The following ADD2 variants were observed in gnomAD, a reference collection of about 807,000 sequenced individuals.
ADD2 encodes the protein beta-adducin.
A neutral mutation model predicts 83.0 loss-of-function variants in ADD2; 23 were observed. The observed-to-expected ratio is 0.28, with a 90% CI of 0.20 to 0.39. The LOEUF is 0.39. Ranked by LOEUF, ADD2 falls within the 10% of genes least tolerant of loss-of-function variation. The probability of loss-of-function intolerance (pLI) is 1.00; values close to 1 mark genes in which losing one functional copy is unlikely to be tolerated. For missense variants in ADD2, 758 were observed against 944.9 expected, an observed-to-expected ratio of 0.80 and a Z score of 2.59; for synonymous variants, 375 against 375.4, an observed-to-expected ratio of 1.00 and a Z score of 0.01.
At chr2:70,747,150 A>G (rs1674250870) in intron 1 of ADD2, among the ~76,000 whole-genome samples, 1 of 151,788 alleles carries the variant, frequency 6.6e-6, no homozygotes, top group South Asian at 2.1e-4. Context: ...AGCTGGGACT[A>G]CAGGCACCCG....
intron 5 of ADD2, 128 bp from the exon 6 acceptor site, chr2:70,695,929 TC>T (rs1297123689): frequency 8.6e-5 from 66 of 770,832 alleles, no homozygotes; most frequent in Non-Finnish European, 1.2e-4. Flanking sequence ...CCCTTATCTC[TC>T]CCCCCCAGCC....
intron 1 of ADD2, among the ~76,000 whole-genome samples, chr2:70,720,646 G>A (rs538640809): frequency 5.9e-5 from 9 of 152,208 alleles, no homozygotes; most frequent in Admixed American, 2.0e-4. Context: ...ATTGGATTAC[G>A]GGGATATTAA....
chr2:70,697,819 G>A (rs1671386909), intron 4 of ADD2, among the ~76,000 whole-genome samples: 1 of 152,234 alleles, frequency 6.6e-6, no homozygotes, highest in African/African-American at 2.4e-5. Flanking sequence ...CAGACTGGGT[G>A]CTGGGCCAAC....
In ADD2 at chr2:70,696,245, C is replaced by T. The variant is rs1553372652; in HGVS notation, c.474G>A (p.Thr158=). 5.0e-6 allele frequency: 8 copies of T among 1,611,304 alleles called. No homozygotes were observed. Among genetic ancestry groups the T allele is most frequent in the Admixed American group, 3.4e-5 (2 of 59,694 alleles). ...CCCAATTCCAGGGCGTTCTGCTCAC[C>T]GTGACATAGGTGTCACTCAGCTGGG... ...GWAQLSDTYV[T]LRVSKEQDHF... Residue 158 remains threonine, a splice_region_variant and synonymous_variant, in exon 5 of 16, where the codon ACG becomes ACA. Coordinates refer to ENST00000264436, the MANE Select transcript of ADD2 (RefSeq NM_001617.4).
At chr2:70,723,565 T>C (rs1453246670) in intron 1 of ADD2, among the ~76,000 whole-genome samples, 1 of 152,168 alleles carries the variant, frequency 6.6e-6, no homozygotes, top group Non-Finnish European at 1.5e-5. Context: ...CATAGGTAGA[T>C]TTTTAGCTGA....
At chr2:70,740,762 C>A (rs1553380944) in intron 1 of ADD2, among the ~76,000 whole-genome samples, 1 of 152,092 alleles carries the variant, frequency 6.6e-6, no homozygotes, top group East Asian at 1.9e-4. Flanking sequence ...TACACTGGCA[C>A]AATCACAGCT....
intron 1 of ADD2, among the ~76,000 whole-genome samples, chr2:70,765,085 G>A (rs1274717023): frequency 6.6e-6 from 1 of 152,022 alleles, no homozygotes; most frequent in Non-Finnish European, 1.5e-5. Flanking sequence ...GGGCAAAGTG[G>A]CTCACACTTG....
chr2:70,683,816 T>G, intron 9 of ADD2, 49 bp from the exon 10 acceptor site: 1 of 1,564,816 alleles, frequency 6.4e-7, no homozygotes, highest in Non-Finnish European at 8.7e-7. Flanking sequence ...ATGGGTACCC[T>G]GCACTTATCT....
chr2:70,677,396 A>C (rs147416809), intron 12 of ADD2, among the ~76,000 whole-genome samples: 605 of 152,378 alleles, frequency 4.0e-3, no homozygotes, highest in Middle Eastern at 0.02. Context: ...TAACATTAAA[A>C]ATACACGCAA....
In ADD2 at chr2:70,704,472, C is replaced by T; in HGVS notation, c.184-13G>A. The stretch of plus-strand genomic sequence containing the variant: ...CCTCCCTGAAAGACTGAAGCAGGCC[C>T]CGAGGTGCTTGTCCCCCCACAGCCT... On this transcript the variant is annotated splice_polypyrimidine_tract_variant and intron_variant, in intron 3 of 15. Transcript: ENST00000264436. 1 of 1,613,752 alleles carries T rather than the reference C, an allele frequency of 6.2e-7. No homozygotes were observed. The highest frequency in any genetic ancestry group is 8.5e-7 in the Non-Finnish European group (1 of 1,179,870).
At chr2:70,703,518 T>C (rs1389822624) in intron 4 of ADD2, among the ~76,000 whole-genome samples, 4 of 152,226 alleles carry the variant, frequency 2.6e-5, no homozygotes, top group Non-Finnish European at 4.4e-5. Context: ...TGCATGCATG[T>C]ACTTCAATTC....
chr2:70,759,132 C>T (rs577932697), intron 1 of ADD2, among the ~76,000 whole-genome samples: 5 of 152,176 alleles, frequency 3.3e-5, no homozygotes, highest in African/African-American at 1.2e-4. Flanking sequence ...AGCCACTTCA[C>T]AGCTGGAAAA....
chr2:70,673,311 C>G, intron 14 of ADD2: 3 of 1,614,076 alleles, frequency 1.9e-6, no homozygotes, highest in Non-Finnish European at 2.5e-6. Flanking sequence ...GCCTGGCTCT[C>G]GTTCCTGTCC....
chr2:70,761,701 T>C (rs1224376144), intron 1 of ADD2, among the ~76,000 whole-genome samples: 1 of 148,828 alleles, frequency 6.7e-6, no homozygotes, highest in East Asian at 2.0e-4. Flanking sequence ...AGACAGAGTA[T>C]CGTTCTGTTG....
Position 70,676,901 on chromosome 2 carries a change from A to G in ADD2, c.1504-16T>C. On this transcript the variant is annotated splice_polypyrimidine_tract_variant and intron_variant, in intron 12 of 15. Coordinates refer to ENST00000264436, the MANE Select transcript of ADD2 (RefSeq NM_001617.4). The surrounding 1 kb of genome is among the most constrained non-coding windows in gnomAD (Gnocchi z 4.8). ...GTTCTCGAATCTGTGTGGAAAGGGG[A>G]GAGGAAGAGTGAGCTGGCTGTTCAG... 6.2e-7 allele frequency: 1 copy of G among 1,608,714 alleles called. No homozygotes were observed. Among genetic ancestry groups the G allele is most frequent in the Non-Finnish European group, 8.5e-7 (1 of 1,175,936 alleles).
At chr2:70,751,104 C>T (rs1674483486) in intron 1 of ADD2, among the ~76,000 whole-genome samples, 1 of 152,162 alleles carries the variant, frequency 6.6e-6, no homozygotes, top group Non-Finnish European at 1.5e-5. Context: ...AATTAATCTG[C>T]CTCACCTTGG....
rs782723251 is a variant in ADD2 at position 70,683,690 on chromosome 2, C to T, written c.1026G>A (p.Val342=). ...LEQEKHRPHE[V]GSVQWAGSTF... is the part of the protein sequence containing the mutation. ...TGCTCCCGGCCCACTGCACGGAGCCCACCTCATGGGGCCGGTGCTTCTCCT... is the reference window on the plus strand; with the variant it reads ...TGCTCCCGGCCCACTGCACGGAGCCTACCTCATGGGGCCGGTGCTTCTCCT... Residue 342 remains valine (V), a synonymous_variant, in exon 10 of 16, where the codon GTG becomes GTA. Coordinates refer to ENST00000264436, the MANE Select transcript of ADD2 (RefSeq NM_001617.4). 20 of 1,614,176 alleles carry T rather than the reference C, an allele frequency of 1.2e-5. No individual in the cohort carries two copies. The highest frequency in any genetic ancestry group is 1.6e-5 in the Non-Finnish European group (19 of 1,180,028).
chr2:70,749,229 G>A (rs1244784666), intron 1 of ADD2, among the ~76,000 whole-genome samples: 2 of 152,106 alleles, frequency 1.3e-5, no homozygotes, highest in African/African-American at 4.8e-5. Context: ...ACTATCAGGA[G>A]AACAGCATGG....
intron 1 of ADD2, among the ~76,000 whole-genome samples, chr2:70,737,660 C>T (rs1471300998): frequency 2.6e-5 from 4 of 151,724 alleles, no homozygotes; most frequent in African/African-American, 7.3e-5. Flanking sequence ...ACCAACATGG[C>T]GCATGTATAC....
Sources: gnomAD v4.1 joint callset for allele counts (sites outside exome capture counted in the v4.1 genomes callset) on GRCh38, gnomAD v4.1.1 for gene constraint, Gnocchi (gnomAD v3.1) non-coding constraint, MANE v1.5 for transcripts, NCBI Gene and HGNC (gene_info 2026-07-23, HGNC 2026-07-21) for gene names.